The following PCNX1 variants were observed in gnomAD, a reference collection of about 807,000 sequenced individuals.
The protein encoded by PCNX1 is pecanex-like protein 1.
A neutral mutation model predicts 242.2 loss-of-function variants in PCNX1; 78 were observed. The observed-to-expected ratio is 0.32, with a 90% confidence interval of 0.27 to 0.39. PCNX1 has a LOEUF of 0.39. PCNX1 is among the 10% of genes least tolerant of loss of function. The pLI, the probability that PCNX1 is intolerant of heterozygous loss-of-function variation, is 1.00. For synonymous variants in PCNX1, 1,024 were observed against 1,032.9 expected, an observed-to-expected ratio of 0.99 and a Z score of 0.17; for missense variants, 2,581 against 2,856.5, an observed-to-expected ratio of 0.90 and a Z score of 2.20.
In PCNX1 at chr14:70,976,956, C is replaced by G. The variant is rs766865128; in HGVS notation, c.619C>G (p.Arg207Gly). Residue 207 changes from arginine (R) to glycine (G), a missense_variant, in exon 6 of 36, where the codon CGG (arginine) becomes GGG (glycine). This residue lies in a region of PCNX1 where 1,204 missense variants were observed against 1,216.7 expected (regional missense o/e 0.99). Coordinates refer to ENST00000304743, the MANE Select transcript of PCNX1 (RefSeq NM_014982.3). The stretch of plus-strand genomic sequence containing the variant: ...GTTTGAAACAGATTTGGCAGCTGAT[C>G]GGAAGCTCTTTCGTCTTGTCTCCAA... ...GSEEQDLAAD[R>G]KLFRLVSNDS... is the part of the protein sequence containing the mutation. The G allele has an allele frequency of 1.1e-5, 18 of 1,611,174 alleles. No individual in the cohort carries two copies. In the Admixed American group the frequency reaches 1.2e-4, roughly 10 times the overall value.
At chr14:70,951,126 T>A (rs1281029997) in intron 2 of PCNX1, among the ~76,000 whole-genome samples, 1 of 152,156 alleles carries the variant, frequency 6.6e-6, no homozygotes, top group East Asian at 1.9e-4. Flanking sequence ...TTAGGTTTGT[T>A]TATCACAACA....
rs1205937428 is a variant in PCNX1 at position 71,112,854 on chromosome 14, C to T, written c.*2919C>T. ...CTTTGCTTTTTCTTGTTTAATTCTTCCGCCACCCCCTCTTTTGAGAGAAAG... is the reference window on the plus strand; with the variant it reads ...CTTTGCTTTTTCTTGTTTAATTCTTTCGCCACCCCCTCTTTTGAGAGAAAG... On this transcript the variant is annotated 3_prime_UTR_variant, in exon 36 of 36. Transcript: ENST00000304743. 1 of 152,098 alleles carries T rather than the reference C, an allele frequency of 6.6e-6. No individual in the cohort carries two copies. Among genetic ancestry groups the T allele is most frequent in the South Asian group, 2.1e-4 (1 of 4,830 alleles). 9.4% of individuals were successfully genotyped at this position (152,098 alleles called of 1,614,324 possible).
In PCNX1 at chr14:71,026,327, T is replaced by G. The variant is rs28516802; in HGVS notation, c.3355+39T>G. On this transcript the variant is annotated intron_variant, in intron 14 of 35. Transcript: ENST00000304743. ...AAGTATCTCTAATCTTAAAATTAAT[T>G]TATTTGTATATCAACATTTTACTGA... 1,353 of 1,235,370 alleles carry G rather than the reference T, an allele frequency of 1.1e-3. 8 individuals are homozygous for G. In the African/African-American group the frequency reaches 0.019, roughly 17 times the overall value. The allele number at this position is 1,235,370 out of a possible 1,614,324, so 76.5% of individuals were successfully genotyped here.
At chr14:71,050,838 T>C (rs61990409) in intron 23 of PCNX1, 78 bp downstream of exon 23, 22,730 of 1,313,038 alleles carry the variant, frequency 0.017, 238 homozygotes, top group Middle Eastern at 0.044. Context: ...GCATGACCTT[T>C]CATGGTGTAA....
rs553067523 is a variant in PCNX1, at chr14:71,020,890, T to G, written c.3150+1728T>G. On this transcript the variant is annotated intron_variant, in intron 12 of 35. Transcript: ENST00000304743. ...GTTTTCTTCTAGGGTTTTTATGGTT[T>G]TAGGTCTTACATTTAAGTCTTTAAT... Among the ~76,000 whole-genome samples, 16 of 152,334 alleles carry G rather than the reference T, an allele frequency of 1.1e-4. No individual in the cohort carries two copies. In the South Asian group the frequency reaches 3.3e-3, roughly 32 times the overall value.
rs1432629315 is a variant in PCNX1, at chr14:70,969,072, A to G, written c.566A>G (p.Gln189Arg). 4 of 1,610,752 alleles carry G rather than the reference A, an allele frequency of 2.5e-6. No homozygotes were observed. ...GATGATATCAGTTTAAGTCTGGGCC[A>G]AAGTTCTAGTCTTTGTAAGGAAGGA... is the stretch of plus-strand genomic sequence containing the variant. ...TSDDISLSLG[Q>R]SSSLCKEGSE... is the part of the protein sequence containing the mutation. Residue 189 changes from glutamine to arginine, a missense_variant, in exon 5 of 36, where the codon CAA (glutamine) becomes CGA (arginine). Gln to Arg is a conservative substitution (Grantham distance 43, BLOSUM62 1). Transcript: ENST00000304743.
intron 1 of PCNX1, among the ~76,000 whole-genome samples, chr14:70,944,605 T>C (rs548640603): frequency 6.6e-6 from 1 of 152,258 alleles, no homozygotes; most frequent in African/African-American, 2.4e-5. Flanking sequence ...GTTAAGACTT[T>C]GGGGGACAGT....
At chr14:70,966,169 CT>C (rs2058372373) in intron 3 of PCNX1, among the ~76,000 whole-genome samples, 1 of 152,018 alleles carries the variant, frequency 6.6e-6, no homozygotes, top group Non-Finnish European at 1.5e-5. Context: ...AGTCATGATT[CT>C]TTTTGAGGGG....
intron 8 of PCNX1, among the ~76,000 whole-genome samples, chr14:71,008,983 A>G (rs1479532884): frequency 6.6e-6 from 1 of 152,194 alleles, no homozygotes; most frequent in Non-Finnish European, 1.5e-5. Flanking sequence ...CATTTGCAAC[A>G]TTTGCAACCA....
At position 71,114,310 on chromosome 14, in the gene PCNX1, A is replaced by T. The variant is rs2062811878; in HGVS notation, c.*4375A>T. The stretch of plus-strand genomic sequence containing the variant: ...TAATTTGGTTGATTGATATGCACCC[A>T]GGCCGTCTTATTTTTACTTGTTAAA... On this transcript the variant is annotated 3_prime_UTR_variant, in exon 36 of 36. Transcript: ENST00000304743. 1 of 152,198 alleles carries T rather than the reference A, an allele frequency of 6.6e-6. No individual in the cohort carries two copies. The highest frequency in any genetic ancestry group is 2.4e-5 in the African/African-American group (1 of 41,454). The allele number at this position is 152,198 out of a possible 1,614,324, so 9.4% of individuals were successfully genotyped here. A position where few individuals can be genotyped will look rare whatever the true frequency, so the allele number is the denominator to read the frequency against.
At chr14:70,945,700 C>T (rs892678039) in intron 1 of PCNX1, among the ~76,000 whole-genome samples, 1 of 151,258 alleles carries the variant, frequency 6.6e-6, no homozygotes, top group Non-Finnish European at 1.5e-5. Flanking sequence ...TGGAGTATCA[C>T]TGTGTCACCC....
chr14:71,050,607 T>TCA, intron 22 of PCNX1, 45 bp from the exon 23 acceptor site: 1 of 1,507,290 alleles, frequency 6.6e-7, no homozygotes. Flanking sequence ...AAATATCTGA[T>TCA]AAGTTTTTTT....
At chr14:70,970,184 A>T (rs962667882) in intron 5 of PCNX1, among the ~76,000 whole-genome samples, 4 of 151,928 alleles carry the variant, frequency 2.6e-5, no homozygotes, top group Non-Finnish European at 4.4e-5. Flanking sequence ...ACATAGTGAG[A>T]TGCCTGTCTC....
intron 19 of PCNX1, among the ~76,000 whole-genome samples, chr14:71,041,780 C>CTACTATACTATACTATACTATACTA (rs71105759): frequency 8.7e-5 from 13 of 149,170 alleles, no homozygotes; most frequent in South Asian, 2.1e-4. Context: ...GCATTTATTG[C>CTACTATACTATACTATACTATACTA]TACTATACTA....
chr14:71,068,845 TATA>T (rs2061521972), intron 26 of PCNX1, among the ~76,000 whole-genome samples: 1 of 151,634 alleles, frequency 6.6e-6, no homozygotes, highest in Non-Finnish European at 1.5e-5. Flanking sequence ...AAAAAATAAG[TATA>T]GTTTAATTTT....
In PCNX1 at chr14:71,047,848, T is replaced by A; in HGVS notation, c.4202T>A (p.Leu1401Gln). 2 of 1,613,066 alleles carry A rather than the reference T, an allele frequency of 1.2e-6. No homozygotes were observed. The highest frequency in any genetic ancestry group is 1.7e-6 in the Non-Finnish European group (2 of 1,179,284). ...ATCACTGTTGCTGGTTTGAAGTTGC[T>A]ACGATCCTCTTTTAGCAGCCCTACA... Reference protein sequence around the residue: ...LMITVAGLKLLRSSFSSPTYQ... With the variant: ...LMITVAGLKLQRSSFSSPTYQ... The change falls in exon 22 of 36, where the codon CTA becomes CAA. Residue 1401 changes from leucine (L) to glutamine (Q), a missense_variant. Physicochemically the swap from Leu to Gln is moderately radical, Grantham distance 113. Around this residue, in one of 9 missense-constraint regions of PCNX1, gnomAD observed 432 missense variants for 443.1 expected, o/e 0.97. Coordinates refer to ENST00000304743, the MANE Select transcript of PCNX1 (RefSeq NM_014982.3).
intron 1 of PCNX1, among the ~76,000 whole-genome samples, chr14:70,920,165 T>G (rs572414883): frequency 8.5e-5 from 13 of 152,358 alleles, no homozygotes; most frequent in African/African-American, 3.1e-4. Context: ...TACAGACAAG[T>G]TGCAAAGATG....
intron 7 of PCNX1, among the ~76,000 whole-genome samples, chr14:70,990,822 G>A (rs1162772328): frequency 6.6e-6 from 1 of 151,980 alleles, no homozygotes; most frequent in Non-Finnish European, 1.5e-5. Context: ...TGATGGATTT[G>A]GAGCATAGTC....
intron 26 of PCNX1, among the ~76,000 whole-genome samples, chr14:71,066,796 T>C (rs1402741367): frequency 6.6e-6 from 1 of 152,168 alleles, no homozygotes; most frequent in Non-Finnish European, 1.5e-5. Flanking sequence ...AATACCTAGT[T>C]TATGGAGAGG....
Sources: allele counts gnomAD v4.1 joint callset (sites outside exome capture counted in the v4.1 genomes callset), GRCh38; gene constraint gnomAD v4.1.1; regional missense constraint gnomAD v4.1.1; transcripts MANE v1.5; gene names NCBI Gene and HGNC (gene_info 2026-07-23, HGNC 2026-07-21).